Variants in SYNE1 observed in about 807,000 individuals in gnomAD.
The protein encoded by SYNE1 is spectrin repeat containing nuclear envelope protein 1.
In SYNE1, 616 loss-of-function variants were observed where a neutral mutation model predicts 1,111.0. That is an observed-to-expected ratio of 0.55 (90% CI 0.52 to 0.59). The LOEUF (loss-of-function observed/expected upper bound fraction) is 0.59, where lower values mean the gene tolerates loss of function less well. Among genes scored for constraint, SYNE1 ranks in the 20% least tolerant of loss-of-function variants. The pLI is 0.00. For missense variants in SYNE1, 10,006 were observed against 10,417.0 expected, an observed-to-expected ratio of 0.96 and a Z score of 1.72; for synonymous variants, 3,855 against 3,825.8, an observed-to-expected ratio of 1.01 and a Z score of -0.28.
Position 152,148,206 on chromosome 6 carries a change from C to G in SYNE1, c.24815G>C (p.Arg8272Pro). Residue 8272 changes from arginine to proline, a missense_variant, in exon 137 of 146, where the codon CGA (arginine) becomes CCA (proline). This residue lies in a region of SYNE1 where 761 missense variants were observed against 795.5 expected (regional missense o/e 0.96). Transcript: ENST00000367255. This position sits in a 1 kb window ranked among gnomAD's most constrained non-coding sequence, Gnocchi z 4.1. ...GGAGTCCACACTAGCCGGGGTGTCT[C>G]GTCCTGACCGCTCGCTCCGGAGGGG... is the stretch of plus-strand genomic sequence containing the variant. ...AQPLRSERSG[R>P]DTPASVDSIP... 6.2e-7 allele frequency: 1 copy of G among 1,614,190 alleles called. No individual in the cohort carries two copies.
At chr6:152,593,309 G>A (rs1353231375) in intron 3 of SYNE1, among the ~76,000 whole-genome samples, 2 of 152,136 alleles carry the variant, frequency 1.3e-5, no homozygotes, top group Non-Finnish European at 2.9e-5. Flanking sequence ...CTTGGGCTGG[G>A]CACGGTGGCT....
At chr6:152,243,389 A>G (rs1251572744) in intron 106 of SYNE1, among the ~76,000 whole-genome samples, 1 of 152,220 alleles carries the variant, frequency 6.6e-6, no homozygotes, top group Non-Finnish European at 1.5e-5. Context: ...GGTGGAGTAT[A>G]TAACTATTTA....
At position 152,194,010 on chromosome 6, in the gene SYNE1, C is replaced by T. The variant is rs991869888; in HGVS notation, c.23146-4603G>A. Among the ~76,000 whole-genome samples, 4 of 72,194 alleles carry T rather than the reference C, an allele frequency of 5.5e-5. No individual in the cohort carries two copies. In the South Asian group the frequency reaches 1.3e-3, roughly 24 times the overall value. 47.4% of individuals were successfully genotyped at this position (72,194 alleles called of 152,430 possible). On this transcript the variant is annotated intron_variant, in intron 127 of 145. Transcript: ENST00000367255. ...CCTGGGCAGCAGAGCAAGACTGTCT[C>T]GAAAAAAAAAAAAAAAGGTATAGCT... is the stretch of plus-strand genomic sequence containing the variant.
At chr6:152,392,007 T>G (rs2097650230) in intron 51 of SYNE1, among the ~76,000 whole-genome samples, 1 of 152,174 alleles carries the variant, frequency 6.6e-6, no homozygotes, top group Non-Finnish European at 1.5e-5. Context: ...ATGAAAACCC[T>G]TCTGCTCAGC....
intron 2 of SYNE1, 113 bp downstream of exon 2, chr6:152,636,508 AGCACGCAGAGCCCCAGC>A (rs1449452277): frequency 6.5e-6 from 1 of 152,754 alleles, no homozygotes; most frequent in Non-Finnish European, 1.5e-5. Context: ...CCTCCCATCA[AGCACGCAGAGCCCCAGC>A]GTGCAGGCAC....
chr6:152,425,418 C>T lies in SYNE1; in HGVS notation c.5230G>A (p.Glu1744Lys), dbSNP rs540091060. ...MMKLHLEQLD[E>K]RWRDLPQIIN... ...ATCTGTGGTAAATCTCTCCATCTCT[C>T]ATCCAACTGCTCCAAATGTAGTTTC... is the stretch of plus-strand genomic sequence containing the variant. Residue 1744 changes from glutamate (E) to lysine (K), a missense_variant, in exon 39 of 146, where the codon GAG (glutamate) becomes AAG (lysine). Physicochemically the swap from Glu to Lys is moderately conservative, Grantham distance 56. Coordinates refer to ENST00000367255, the MANE Select transcript of SYNE1 (RefSeq NM_182961.4). 1.1e-5 allele frequency: 17 copies of T among 1,614,214 alleles called. No homozygotes were observed. In the Admixed American group the frequency reaches 1.5e-4, roughly 14 times the overall value.
rs1211753206 is a variant in SYNE1, at chr6:152,396,884, T to C, written c.7447A>G (p.Ser2483Gly). The C allele has an allele frequency of 6.2e-7, 1 of 1,614,214 alleles. No individual in the cohort carries two copies. The highest frequency in any genetic ancestry group is 1.7e-5 in the Admixed American group (1 of 60,022). Residue 2483 changes from serine to glycine, a missense_variant, in exon 50 of 146, where the codon AGT (serine) becomes GGT (glycine). Physicochemically the swap from Ser to Gly is moderately conservative, Grantham distance 56 (BLOSUM62 0). Coordinates refer to ENST00000367255, the MANE Select transcript of SYNE1 (RefSeq NM_182961.4). ...TTTGTGATTTGTTCTTGAATGCTAC[T>C]GACAATTTGTTTAGACAAATGTGCA... is the stretch of plus-strand genomic sequence containing the variant. ...LYAHLSKQIV[S>G]SIQEQITKAN...
At chr6:152,322,586 C>T (rs1430419561) in intron 82 of SYNE1, among the ~76,000 whole-genome samples, 2 of 152,124 alleles carry the variant, frequency 1.3e-5, no homozygotes, top group African/African-American at 2.4e-5. Flanking sequence ...CTCCTATATC[C>T]CTGTCACCCC....
chr6:152,256,495 T>G, intron 102 of SYNE1, 139 bp downstream of exon 102: 1 of 975,880 alleles, frequency 1.0e-6, no homozygotes, highest in Non-Finnish European at 1.6e-6. Context: ...TCCAGTGATC[T>G]TTGTTTCAGC....
intron 3 of SYNE1, among the ~76,000 whole-genome samples, chr6:152,550,731 C>G (rs1459532293): frequency 6.6e-6 from 1 of 152,074 alleles, no homozygotes; most frequent in Non-Finnish European, 1.5e-5. Flanking sequence ...ATACTTTTCT[C>G]TGCAGAAATA....
chr6:152,623,540 A>C lies in SYNE1; in HGVS notation c.67+4725T>G, dbSNP rs76936040. On this transcript the variant is annotated intron_variant, in intron 3 of 145. Coordinates refer to ENST00000367255, the MANE Select transcript of SYNE1 (RefSeq NM_182961.4). ...TGACAAATGGGATATAATTAAACTA[A>C]AGAGCTTCTACACAGCAAAAGAAAC... Among the ~76,000 whole-genome samples, 1,148 of 152,288 alleles carry C rather than the reference A, an allele frequency of 7.5e-3. 14 individuals carry two copies. Among genetic ancestry groups the C allele is most frequent in the African/African-American group, 0.024 (1,000 of 41,568 alleles).
intron 40 of SYNE1, 41 bp from the exon 41 acceptor site, chr6:152,417,056 ACAGT>A (rs2154182865): frequency 1.9e-6 from 3 of 1,610,764 alleles, no homozygotes; most frequent in Admixed American, 1.7e-5. Flanking sequence ...GAGATACACT[ACAGT>A]CTATGGCAGA....
intron 128 of SYNE1, among the ~76,000 whole-genome samples, chr6:152,184,461 G>T (rs1166263074): frequency 2.1e-5 from 3 of 145,510 alleles, no homozygotes; most frequent in African/African-American, 7.6e-5. Flanking sequence ...AAAAAAGAAA[G>T]AAATTGACTG....
At chr6:152,358,094 C>T (rs1360080973) in intron 66 of SYNE1, among the ~76,000 whole-genome samples, 1 of 152,170 alleles carries the variant, frequency 6.6e-6, no homozygotes, top group Non-Finnish European at 1.5e-5. Context: ...CAGAAAACCC[C>T]ATCAATTAGA....
rs368595280 is a variant in SYNE1, at chr6:152,520,445, T to C, written c.309+14A>G. The C allele has an allele frequency of 6.0e-5, 97 of 1,612,870 alleles. No homozygotes were observed. In the African/African-American group the frequency reaches 1.2e-3, roughly 20 times the overall value. Reference sequence around the variant, plus strand: ...CCTTCTTCCTTGGGCATTTTGTTTTTGTTTCTCTCTTACCTTTCTTCCTTC... The same window carrying C: ...CCTTCTTCCTTGGGCATTTTGTTTTCGTTTCTCTCTTACCTTTCTTCCTTC... On this transcript the variant is annotated intron_variant, in intron 6 of 145. Transcript: ENST00000367255.
At chr6:152,498,603 A>G in intron 11 of SYNE1, 139 bp downstream of exon 11, 1 of 519,318 alleles carries the variant, frequency 1.9e-6, no homozygotes, top group South Asian at 4.2e-5. Flanking sequence ...TTCTGTTAGA[A>G]AGGAAACGCA....
chr6:152,150,855 A>G (rs1488990982), intron 135 of SYNE1, among the ~76,000 whole-genome samples: 1 of 152,208 alleles, frequency 6.6e-6, no homozygotes, highest in African/African-American at 2.4e-5. Context: ...ATTGCTTTGC[A>G]ACATGGAGGT....
rs532887184 is a variant in SYNE1 at position 152,189,533 on chromosome 6, T to C, written c.23146-126A>G. 4.7e-6 allele frequency: 4 copies of C among 851,644 alleles called. No homozygotes were observed. The South Asian group carries it at 6.2e-5, about 13-fold the overall frequency. The allele number at this position is 851,644 out of a possible 1,614,324, so 52.8% of individuals were successfully genotyped here. ...CTCAATTTAAATATCTAACTTGGGATCTAGAGGCACATCATGGCAATATTA... is the reference window on the plus strand; with the variant it reads ...CTCAATTTAAATATCTAACTTGGGACCTAGAGGCACATCATGGCAATATTA... On this transcript the variant is annotated intron_variant, in intron 127 of 145. Coordinates refer to ENST00000367255, the MANE Select transcript of SYNE1 (RefSeq NM_182961.4).
In SYNE1 at chr6:152,129,149, C is replaced by T. The variant is rs116864040; in HGVS notation, c.26153+1571G>A. Reference sequence around the variant, plus strand: ...GAGGCATGAGGAAGCACTTGCTGCCCTAAGAAACGATGCCTTCGACATTTT... The same window carrying T: ...GAGGCATGAGGAAGCACTTGCTGCCTTAAGAAACGATGCCTTCGACATTTT... On this transcript the variant is annotated intron_variant, in intron 145 of 145. Coordinates refer to ENST00000367255, the MANE Select transcript of SYNE1 (RefSeq NM_182961.4). 6.3e-3 allele frequency: 957 copies of T among 152,318 alleles called. 23 individuals carry two copies. The East Asian group carries it at 0.081, about 13-fold the overall frequency. 9.4% of individuals were successfully genotyped at this position (152,318 alleles called of 1,614,324 possible). A position where few individuals can be genotyped will look rare whatever the true frequency, so the allele number is the denominator to read the frequency against.
Sources: gnomAD v4.1 joint callset for allele counts (sites outside exome capture counted in the v4.1 genomes callset) on GRCh38, gnomAD v4.1.1 for gene constraint, gnomAD v4.1.1 regional missense constraint, Gnocchi (gnomAD v3.1) non-coding constraint, MANE v1.5 for transcripts, NCBI Gene and HGNC (gene_info 2026-07-23, HGNC 2026-07-21) for gene names.